Variants in NCBP2 observed in about 807,000 individuals in gnomAD.
NCBP2 encodes the protein nuclear cap-binding protein subunit 2.
A neutral mutation model predicts 21.5 loss-of-function variants in NCBP2; 8 were observed. The ratio of observed to expected loss-of-function variants is 0.37; its 90% CI spans 0.22 to 0.67. The LOEUF (loss-of-function observed/expected upper bound fraction) is 0.67, where lower values mean the gene tolerates loss of function less well. NCBP2 is among the 30% of genes least tolerant of loss of function. The pLI is 0.56. For synonymous variants in NCBP2, 92 were observed against 75.8 expected (o/e 1.21, Z -1.11); for missense variants, 127 against 206.9 (o/e 0.61, Z 2.37).
intron 1 of NCBP2, among the ~76,000 whole-genome samples, chr3:196,940,655 T>C (rs923084389): frequency 7.2e-5 from 11 of 152,178 alleles, no homozygotes; most frequent in African/African-American, 2.7e-4. Context: ...AGTATGGCAT[T>C]AGCATCTAAA....
chr3:196,940,855 A>T (rs1165480763), intron 1 of NCBP2: 4 of 152,410 alleles, frequency 2.6e-5, no homozygotes, highest in Non-Finnish European at 5.9e-5. Context: ...AGCCCCAGGC[A>T]GGTGGATCGC....
chr3:196,942,014 A>G, intron 1 of NCBP2: 1 of 1,536,102 alleles, frequency 6.5e-7, no homozygotes, highest in Admixed American at 2.0e-5. Context: ...GATTTAAAAA[A>G]CAAAGCAAAA....
At position 196,939,408 on chromosome 3, in the gene NCBP2, A is replaced by G. The variant is rs1339496143; in HGVS notation, c.103T>C (p.Leu35=). Residue 35 remains leucine, a synonymous_variant, in exon 2 of 4, where the codon TTA becomes CTA. Transcript: ENST00000321256. The part of the protein sequence containing the change: ...FRGDNEEQEK[L]LKKSCTLYVG... ...TATAACGTACAGCTTTTCTTCAGTA[A>G]TTTTTCTTGTTCTTCATTGTCACCC... The G allele has an allele frequency of 1.2e-6, 2 of 1,607,590 alleles. No homozygotes were observed. The highest frequency in any genetic ancestry group is 1.7e-6 in the Non-Finnish European group (2 of 1,177,224).
At chr3:196,942,041 C>G (rs955360403) in intron 1 of NCBP2, 1 of 1,535,068 alleles carries the variant, frequency 6.5e-7, no homozygotes. Context: ...GCATCTGCAT[C>G]AGGAAGGCGC....
At chr3:196,942,217 T>G in intron 1 of NCBP2, 1 of 1,460,592 alleles carries the variant, frequency 6.8e-7, no homozygotes, top group Middle Eastern at 1.9e-4. Flanking sequence ...TAAGCGAGCC[T>G]CCAGTTCCCC....
chr3:196,942,357 G>A, intron 1 of NCBP2, 69 bp downstream of exon 1: 1 of 1,568,220 alleles, frequency 6.4e-7, no homozygotes, highest in Non-Finnish European at 8.6e-7. Context: ...GACACAATGA[G>A]ACAAGAGCAA....
chr3:196,939,163 C>A, intron 2 of NCBP2, 88 bp downstream of exon 2: 1 of 1,196,574 alleles, frequency 8.4e-7, no homozygotes. Context: ...TGAAGGAAAA[C>A]GTAGGGACGA....
rs1388976999 is a variant in NCBP2, at chr3:196,937,491, A to G, written c.399+19T>C. On this transcript the variant is annotated intron_variant, in intron 3 of 3. Transcript: ENST00000321256. ...GGAATCCCAGGCAATGGCTGAGCCC[A>G]GAGACCCTTCTTGCATACCTGGCCC... 23 of 1,613,446 alleles carry G rather than the reference A, an allele frequency of 1.4e-5. No homozygotes were observed. The highest frequency in any genetic ancestry group is 2.7e-5 in the African/African-American group (2 of 74,908).
chr3:196,937,784 G>T, intron 2 of NCBP2, 136 bp from the exon 3 acceptor site: 2 of 1,058,030 alleles, frequency 1.9e-6, no homozygotes, highest in Admixed American at 2.1e-5. Flanking sequence ...AATTCAGCTT[G>T]CCCAGGCCTG....
At chr3:196,942,397 T>C in intron 1 of NCBP2, 29 bp downstream of exon 1, 1 of 1,608,074 alleles carries the variant, frequency 6.2e-7, no homozygotes, top group South Asian at 1.1e-5. Context: ...GCCCAGGGCC[T>C]TCCCGTCTCG....
At chr3:196,941,799 C>T (rs1716592068) in intron 1 of NCBP2, 6 of 1,052,344 alleles carry the variant, frequency 5.7e-6, no homozygotes, top group African/African-American at 1.6e-5. Context: ...CTAAAAATTT[C>T]CCTCTTCTGA....
In NCBP2 at chr3:196,942,141, C is replaced by A. The variant is rs560052503; in HGVS notation, c.78+285G>T. 2.7e-6 allele frequency: 4 copies of A among 1,465,192 alleles called. No individual in the cohort carries two copies. In the African/African-American group the frequency reaches 5.7e-5, roughly 21 times the overall value. The allele number at this position is 1,465,192 out of a possible 1,614,324, so 90.8% of individuals were successfully genotyped here. On this transcript the variant is annotated intron_variant, in intron 1 of 3. Transcript: ENST00000321256. Reference sequence around the variant, plus strand: ...ACAACCGTGGAAACGGGAGCCGCCACCACCACCACCGCTCAAACCTCTCGG... The same window carrying A: ...ACAACCGTGGAAACGGGAGCCGCCAACACCACCACCGCTCAAACCTCTCGG...
intron 1 of NCBP2, among the ~76,000 whole-genome samples, chr3:196,940,296 T>G (rs1362644950): frequency 6.6e-6 from 1 of 151,946 alleles, no homozygotes; most frequent in Non-Finnish European, 1.5e-5. Flanking sequence ...CGCTTGAACC[T>G]GGGAGGTGGA....
At position 196,939,327 on chromosome 3, in the gene NCBP2, T is replaced by C; in HGVS notation, c.184A>G (p.Lys62Glu). The C allele has an allele frequency of 1.2e-6, 2 of 1,613,394 alleles. No homozygotes were observed. Among genetic ancestry groups the C allele is most frequent in the Non-Finnish European group, 1.7e-6 (2 of 1,179,282 alleles). The change falls in exon 2 of 4, where the codon AAA becomes GAA. Residue 62 changes from lysine to glutamate, a missense_variant. Coordinates refer to ENST00000321256, the MANE Select transcript of NCBP2 (RefSeq NM_007362.5). Reference protein sequence around the residue: ...TEEQIYELFSKSGDIKKIIMG... With the variant: ...TEEQIYELFSESGDIKKIIMG... ...ATGATTTTCTTTATGTCACCACTTT[T>C]GCTGAAGAGTTCATAGATTTGTTCT...
rs114651068 is a variant in NCBP2, at chr3:196,939,233, G to A, written c.260+18C>T. On this transcript the variant is annotated intron_variant, in intron 2 of 3. Coordinates refer to ENST00000321256, the MANE Select transcript of NCBP2 (RefSeq NM_007362.5). ...CTACCCTGGTTCAGCAGCTACATTA[G>A]ATCCATGGGAAGGATACTCCACAAA... 2.0e-3 allele frequency: 3,195 copies of A among 1,605,376 alleles called. 67 individuals are homozygous for A. The African/African-American group carries it at 0.039, about 19-fold the overall frequency.
rs1235323461 is a variant in NCBP2, at chr3:196,941,994, C to T, written c.78+432G>A. The T allele has an allele frequency of 1.5e-5, 23 of 1,536,272 alleles. 1 individual carries two copies. In the East Asian group the frequency reaches 5.6e-4, roughly 38 times the overall value. ...AAGGGGCCCGAATCGCCGAAGGGCA[C>T]TGCTTCGCCGATTTAAAAAACAAAG... On this transcript the variant is annotated intron_variant, in intron 1 of 3. Transcript: ENST00000321256.
At chr3:196,940,739 T>C (rs1398482300) in intron 1 of NCBP2, among the ~76,000 whole-genome samples, 1 of 152,240 alleles carries the variant, frequency 6.6e-6, no homozygotes, top group Non-Finnish European at 1.5e-5. Flanking sequence ...TCTCACAGGA[T>C]GCTTTAAGTT....
intron 3 of NCBP2, 64 bp downstream of exon 3, chr3:196,937,446 A>G (rs1716316160): frequency 1.9e-6 from 3 of 1,595,768 alleles, no homozygotes; most frequent in Admixed American, 1.8e-5. Flanking sequence ...CAAATTGCCA[A>G]AACACCTGTC....
intron 2 of NCBP2, 180 bp downstream of exon 2, chr3:196,939,071 A>G: frequency 2.0e-6 from 1 of 507,642 alleles, no homozygotes; most frequent in Non-Finnish European, 3.4e-6. Flanking sequence ...ACCATAAAGC[A>G]TGGATTTCAG....
Sources: gnomAD v4.1 joint callset for allele counts (sites outside exome capture counted in the v4.1 genomes callset) on GRCh38, gnomAD v4.1.1 for gene constraint, MANE v1.5 for transcripts, NCBI Gene and HGNC (gene_info 2026-07-23, HGNC 2026-07-21) for gene names.